MADD: variants seen among roughly 807,000 people sequenced by gnomAD.
MADD encodes MAP kinase-activating death domain protein.
A neutral mutation model predicts 176.7 loss-of-function variants in MADD; 109 were observed. The ratio of observed to expected loss-of-function variants is 0.62; its 90% CI spans 0.53 to 0.72. The LOEUF is 0.72. Among genes scored for constraint, MADD ranks in the 30% least tolerant of loss-of-function variants. MADD has a pLI of 0.00. For synonymous variants in MADD, 771 were observed against 771.3 expected, an observed-to-expected ratio of 1.00 and a Z score of 0.01; for missense variants, 1,914 against 2,045.5, an observed-to-expected ratio of 0.94 and a Z score of 1.24.
At chr11:47,311,433 C>T (rs548984724) in intron 25 of MADD, among the ~76,000 whole-genome samples, 2 of 152,248 alleles carry the variant, frequency 1.3e-5, no homozygotes, top group Admixed American at 6.5e-5. Context: ...GTTTTTAGAG[C>T]CCTTGTAGGG....
exon 12 of MADD, chr11:47,284,391 A>T: frequency 6.2e-7 from 1 of 1,614,168 alleles, no homozygotes; most frequent in Non-Finnish European, 8.5e-7. Flanking sequence ...ACCCTCTGAC[A>T]CATGCAGCAC....
intron 10 of MADD, among the ~76,000 whole-genome samples, chr11:47,283,638 C>A (rs1397010619): frequency 6.6e-6 from 1 of 152,200 alleles, no homozygotes; most frequent in African/African-American, 2.4e-5. Context: ...GTGGCGTGAT[C>A]TGGGCTCACT....
rs532261964 is a variant in MADD at position 47,315,494 on chromosome 11, A to T, written c.4197+167A>T. Among the ~76,000 whole-genome samples, 277 of 152,138 alleles carry T rather than the reference A, an allele frequency of 1.8e-3. 3 individuals carry two copies. Among genetic ancestry groups the T allele is most frequent in the African/African-American group, 6.6e-3 (273 of 41,478 alleles). On this transcript the variant is annotated intron_variant, in intron 27 of 32. Coordinates refer to ENST00000402192, the Ensembl canonical transcript of MADD. ...TGTTTTTTGCGTGTGTGTTTTTTTG[A>T]GATAGTGTCTCGCTCTGTCACCCAG...
chr11:47,279,873 C>T (rs2054700744), intron 7 of MADD, among the ~76,000 whole-genome samples: 1 of 151,916 alleles, frequency 6.6e-6, no homozygotes, highest in Non-Finnish European at 1.5e-5. Flanking sequence ...GAGTTGAAGA[C>T]CAGCCTGGCC....
intron 8 of MADD, among the ~76,000 whole-genome samples, chr11:47,282,077 C>T (rs1428774351): frequency 1.3e-5 from 2 of 151,950 alleles, no homozygotes; most frequent in Non-Finnish European, 2.9e-5. Context: ...TCAGTTGATC[C>T]ACCCGCCTTG....
chr11:47,297,851 C>T lies in MADD; in HGVS notation c.3642+1796C>T, dbSNP rs550171879. Among the ~76,000 whole-genome samples the T allele has an allele frequency of 1.2e-3, 172 of 145,670 alleles. 1 individual carries two copies. Among genetic ancestry groups the T allele is most frequent in the South Asian group, 9.1e-3 (42 of 4,620 alleles). ...TCGCCCAGGCTGGAGTGCAGTGGCG[C>T]GATCTCTGCTCACTGCAATCTCCAC... is the stretch of plus-strand genomic sequence containing the variant. On this transcript the variant is annotated intron_variant, in intron 22 of 32. Coordinates refer to ENST00000402192, the Ensembl canonical transcript of MADD.
intron 5 of MADD, 47 bp from the exon 6 acceptor site, chr11:47,278,118 A>T (rs1211815612): frequency 7.9e-7 from 1 of 1,262,208 alleles, no homozygotes; most frequent in Non-Finnish European, 1.2e-6. Flanking sequence ...ATAAGTGCTC[A>T]TGATAGGTTT....
intron 5 of MADD, among the ~76,000 whole-genome samples, 174 bp from the exon 6 acceptor site, chr11:47,277,991 T>C (rs1446452392): frequency 3.9e-5 from 6 of 152,230 alleles, no homozygotes. Flanking sequence ...CAAAAAAATG[T>C]ACCATGTTAC....
chr11:47,295,651 C>T, intron 21 of MADD, 72 bp downstream of exon 23: 3 of 1,604,482 alleles, frequency 1.9e-6, no homozygotes, highest in African/African-American at 1.3e-5. Context: ...GTGCTACTTT[C>T]TCTTTGGAGG....
At chr11:47,308,493 T>C (rs1565486999) in intron 22 of MADD, 98 bp from the exon 25 acceptor site, 2 of 754,556 alleles carry the variant, frequency 2.7e-6, no homozygotes, top group Non-Finnish European at 4.5e-6. Flanking sequence ...TGCTAATGGA[T>C]GGTGACTGGT....
exon 26 of MADD, chr11:47,311,814 A>T: frequency 6.2e-7 from 1 of 1,613,822 alleles, no homozygotes; most frequent in Non-Finnish European, 8.5e-7. Context: ...CAGCAAATCA[A>T]TGAGGTGCTT....
At chr11:47,329,179 C>G in exon 33 of MADD, 1 of 1,544,832 alleles carries the variant, frequency 6.5e-7, no homozygotes, top group Non-Finnish European at 9.0e-7. Context: ...CTGCCCCAGC[C>G]CAGGGCACGC....
At chr11:47,278,335 A>T in intron 6 of MADD, 57 bp downstream of exon 6, 1 of 1,226,670 alleles carries the variant, frequency 8.2e-7, no homozygotes, top group Non-Finnish European at 1.2e-6. Flanking sequence ...TTCTAGACCC[A>T]GTCCTGAGAT....
At chr11:47,290,421 G>T in intron 18 of MADD, 122 bp downstream of exon 19, 1 of 1,384,054 alleles carries the variant, frequency 7.2e-7, no homozygotes, top group Non-Finnish European at 9.7e-7. Flanking sequence ...ATTAGGCTTT[G>T]GGATTTTATT....
At chr11:47,310,991 AAG>A (rs1404361309) in intron 25 of MADD, among the ~76,000 whole-genome samples, 2 of 152,206 alleles carry the variant, frequency 1.3e-5, no homozygotes, top group South Asian at 4.1e-4. Flanking sequence ...TAGTTATAAA[AAG>A]AGCCACTCAT....
At chr11:47,326,510 T>A in intron 30 of MADD, 34 bp from the exon 34 acceptor site, 1 of 1,359,084 alleles carries the variant, frequency 7.4e-7, no homozygotes, top group African/African-American at 1.5e-5. Flanking sequence ...AACTAACGCC[T>A]TCATTTCTCT....
chr11:47,310,627 C>G (rs911008967), intron 25 of MADD, among the ~76,000 whole-genome samples: 2 of 151,714 alleles, frequency 1.3e-5, no homozygotes, highest in Non-Finnish European at 2.9e-5. Context: ...TGCTCAGGAC[C>G]AGGCGCGGTG....
chr11:47,290,890 G>T, intron 19 of MADD, 74 bp downstream of exon 20: 3 of 1,228,288 alleles, frequency 2.4e-6, no homozygotes, highest in Non-Finnish European at 3.5e-6. Flanking sequence ...AATTCATCCA[G>T]AATCCTGCCT....
chr11:47,309,071 C>A lies in MADD; in HGVS notation c.3752-210C>A, dbSNP rs746907904. 1.1e-5 allele frequency: 18 copies of A among 1,612,082 alleles called. No homozygotes were observed. In the African/African-American group the frequency reaches 1.9e-4, roughly 17 times the overall value. On this transcript the variant is annotated intron_variant, in intron 23 of 32. Coordinates refer to ENST00000402192, the Ensembl canonical transcript of MADD. ...ACCACATTTATTTGTGTGCTGTGTTCATCCCTCCTCCTTGGGAGGGACTGG... is the reference window on the plus strand; with the variant it reads ...ACCACATTTATTTGTGTGCTGTGTTAATCCCTCCTCCTTGGGAGGGACTGG...
Sources: gnomAD v4.1 joint callset for allele counts (sites outside exome capture counted in the v4.1 genomes callset) on GRCh38, gnomAD v4.1.1 for gene constraint, MANE v1.5 for transcripts, NCBI Gene and HGNC (gene_info 2026-07-23, HGNC 2026-07-21) for gene names.